Variants in NNT observed in about 807,000 individuals in gnomAD.
NNT encodes NAD(P) transhydrogenase, mitochondrial.
NNT carries 50 observed loss-of-function variants against 104.8 expected under a neutral mutation model. That is an observed-to-expected ratio of 0.48 (90% CI 0.38 to 0.60). The LOEUF (loss-of-function observed/expected upper bound fraction) is 0.60. Among genes scored for constraint, NNT ranks in the 20% least tolerant of loss-of-function variants. The probability of loss-of-function intolerance (pLI) is 0.00; values close to 1 mark genes in which losing one functional copy is unlikely to be tolerated. For synonymous variants in NNT, 461 were observed against 490.4 expected, an observed-to-expected ratio of 0.94 and a Z score of 0.79; for missense variants, 1,131 against 1,330.7, an observed-to-expected ratio of 0.85 and a Z score of 2.33.
chr5:43,643,083 TCCAG>T (rs1751323105), intron 7 of NNT, among the ~76,000 whole-genome samples: 1 of 152,038 alleles, frequency 6.6e-6, no homozygotes, highest in African/African-American at 2.4e-5. Flanking sequence ...TGCCACCACG[TCCAG>T]CTAAGTTTTT....
In NNT at chr5:43,607,920, C is replaced by A. The variant is rs149601431; in HGVS notation, c.-53-1223C>A. On this transcript the variant is annotated intron_variant, in intron 1 of 21. Coordinates refer to ENST00000344920, the MANE Select transcript of NNT (RefSeq NM_182977.3). ...AGTTTGGCTGATAAAATTCTAAGTCCTTGGCTGCTTTCTATTCTTTTTTTT... is the reference window on the plus strand; with the variant it reads ...AGTTTGGCTGATAAAATTCTAAGTCATTGGCTGCTTTCTATTCTTTTTTTT... 9.4e-4 allele frequency among the ~76,000 whole-genome samples: 136 copies of A among 144,716 alleles called. 1 individual carries two copies. Among genetic ancestry groups the A allele is most frequent in the African/African-American group, 3.4e-3 (125 of 37,152 alleles). The allele number at this position is 144,716 out of a possible 152,430, so 94.9% of individuals were successfully genotyped here.
chr5:43,653,598 C>T (rs977496330), intron 14 of NNT: 1 of 130,414 alleles, frequency 7.7e-6, no homozygotes, highest in Admixed American at 7.6e-5. Flanking sequence ...AAAAAAAAAA[C>T]ATGTGCCAGC....
At chr5:43,654,276 G>A (rs368183163) in intron 14 of NNT, among the ~76,000 whole-genome samples, 3 of 152,150 alleles carry the variant, frequency 2.0e-5, no homozygotes, top group Non-Finnish European at 2.9e-5. Flanking sequence ...ATAAGCAAAC[G>A]CTACAAATCT....
At chr5:43,699,349 C>T (rs1019363902) in intron 19 of NNT, among the ~76,000 whole-genome samples, 1 of 121,030 alleles carries the variant, frequency 8.3e-6, no homozygotes, top group African/African-American at 3.4e-5. Flanking sequence ...TTTTATCTCC[C>T]TACCTTTTTT....
chr5:43,663,748 G>C (rs1389344736), intron 17 of NNT, among the ~76,000 whole-genome samples: 3 of 152,148 alleles, frequency 2.0e-5, no homozygotes, highest in Non-Finnish European at 4.4e-5. Context: ...AAATTCTGGA[G>C]GTAGGAAATA....
chr5:43,606,791 C>T (rs1487719710), intron 1 of NNT, among the ~76,000 whole-genome samples: 1 of 152,098 alleles, frequency 6.6e-6, no homozygotes, highest in Non-Finnish European at 1.5e-5. Flanking sequence ...TTCTTATCTC[C>T]AGGAAAATTC....
chr5:43,624,656 A>T (rs1486426830), intron 6 of NNT, among the ~76,000 whole-genome samples: 2 of 152,326 alleles, frequency 1.3e-5, no homozygotes, highest in South Asian at 2.1e-4. Context: ...GTACTTGGTT[A>T]TGTATACTGT....
intron 19 of NNT, among the ~76,000 whole-genome samples, chr5:43,681,866 A>G (rs1019878500): frequency 1.3e-5 from 2 of 152,244 alleles, no homozygotes; most frequent in African/African-American, 2.4e-5. Flanking sequence ...AATCTCTATT[A>G]ACAGATCAAT....
Position 43,651,790 on chromosome 5 carries a change from A to G in NNT, c.1769A>G (p.Asp590Gly). Reference sequence around the variant, plus strand: ...CTGGACATGTTCAAGCGTCCCACTGACCCCCCAGAATACAACTACCTGTAC... The same window carrying G: ...CTGGACATGTTCAAGCGTCCCACTGGCCCCCCAGAATACAACTACCTGTAC... ...RMLDMFKRPTDPPEYNYLYLL... is the reference protein window; with the variant it reads ...RMLDMFKRPTGPPEYNYLYLL... The change falls in exon 13 of 22, where the codon GAC (aspartate) becomes GGC (glycine). Residue 590 changes from aspartate (D) to glycine (G), a missense_variant. By Grantham distance (94) the Asp-to-Gly change is moderately conservative (BLOSUM62 -1). Coordinates refer to ENST00000344920, the MANE Select transcript of NNT (RefSeq NM_182977.3). 2 of 1,613,404 alleles carry G rather than the reference A, an allele frequency of 1.2e-6. No homozygotes were observed. Among genetic ancestry groups the G allele is most frequent in the Non-Finnish European group, 8.5e-7 (1 of 1,179,868 alleles).
At chr5:43,677,207 A>G (rs539068678) in intron 18 of NNT, among the ~76,000 whole-genome samples, 71 of 152,238 alleles carry the variant, frequency 4.7e-4, no homozygotes, top group African/African-American at 1.6e-3. Context: ...ATGGTTGTTG[A>G]AGCCATGAGA....
In NNT at chr5:43,628,274, G is replaced by A. The variant is rs778457611; in HGVS notation, c.851G>A (p.Gly284Glu). The change falls in exon 7 of 22, where the codon GGA (glycine) becomes GAA (glutamate). Residue 284 changes from glycine (G) to glutamate (E), a missense_variant. Transcript: ENST00000344920. Reference protein sequence around the residue: ...LEVDLKESGEGQGGYAKEMSK... With the variant: ...LEVDLKESGEEQGGYAKEMSK... ...GTGGACTTGAAGGAATCTGGTGAGG[G>A]ACAAGGAGGATATGCAAAAGAGATG... 1 of 1,613,986 alleles carries A rather than the reference G, an allele frequency of 6.2e-7. No individual in the cohort carries two copies. The highest frequency in any genetic ancestry group is 8.5e-7 in the Non-Finnish European group (1 of 1,179,956).
At chr5:43,647,733 T>C (rs530843046) in intron 10 of NNT, among the ~76,000 whole-genome samples, 11 of 152,224 alleles carry the variant, frequency 7.2e-5, no homozygotes, top group Non-Finnish European at 1.5e-4. Flanking sequence ...GTGTATGATG[T>C]AATTTTTATC....
chr5:43,667,125 G>T (rs1316757190), intron 17 of NNT: 14 of 1,504,898 alleles, frequency 9.3e-6, no homozygotes, highest in African/African-American at 1.4e-5. Flanking sequence ...GGAACTTGGG[G>T]TCCACCCCCT....
chr5:43,651,407 C>G (rs185686498), intron 12 of NNT, among the ~76,000 whole-genome samples: 2 of 151,800 alleles, frequency 1.3e-5, no homozygotes, highest in Non-Finnish European at 2.9e-5. Flanking sequence ...TGAAACCCCC[C>G]TCTCTACTAA....
At chr5:43,671,272 A>C (rs1741066246) in intron 17 of NNT, among the ~76,000 whole-genome samples, 1 of 152,186 alleles carries the variant, frequency 6.6e-6, no homozygotes, top group Admixed American at 6.5e-5. Context: ...TGGAGCATTT[A>C]GCCCATTTAC....
intron 19 of NNT, among the ~76,000 whole-genome samples, chr5:43,690,325 T>C (rs1742202435): frequency 6.6e-6 from 1 of 152,128 alleles, no homozygotes; most frequent in South Asian, 2.1e-4. Flanking sequence ...GGCACTGAAT[T>C]TGTGGTAGTT....
chr5:43,692,396 T>C (rs1380570539), intron 19 of NNT, among the ~76,000 whole-genome samples: 1 of 152,214 alleles, frequency 6.6e-6, no homozygotes, highest in Non-Finnish European at 1.5e-5. Flanking sequence ...CGATCCCAGC[T>C]CACTGCCACC....
chr5:43,604,698 G>C (rs1749112578), intron 1 of NNT, among the ~76,000 whole-genome samples: 1 of 152,122 alleles, frequency 6.6e-6, no homozygotes, highest in Non-Finnish European at 1.5e-5. Flanking sequence ...ATTTTTTCAA[G>C]TCTCGCTCTG....
chr5:43,666,001 C>T (rs1430899972), intron 17 of NNT, among the ~76,000 whole-genome samples: 5 of 151,762 alleles, frequency 3.3e-5, no homozygotes, highest in Admixed American at 2.0e-4. Context: ...GACGGGGCAG[C>T]GGGGCAGAGG....
Sources: gnomAD v4.1 joint callset for allele counts (sites outside exome capture counted in the v4.1 genomes callset) on GRCh38, gnomAD v4.1.1 for gene constraint, MANE v1.5 for transcripts, NCBI Gene and HGNC (gene_info 2026-07-23, HGNC 2026-07-21) for gene names.